Variants in WNT7B observed in about 807,000 individuals in gnomAD.
WNT7B encodes Wnt family member 7B, also known as protein Wnt-7b.
In WNT7B, 19 loss-of-function variants were observed where a neutral mutation model predicts 38.2. The observed-to-expected ratio is 0.50, with a 90% CI of 0.35 to 0.73. The LOEUF is 0.73. Among genes scored for constraint, WNT7B ranks in the 30% least tolerant of loss-of-function variants. The pLI is 0.01. For missense variants in WNT7B, 423 were observed against 507.9 expected (o/e 0.83, Z 1.61); for synonymous variants, 243 against 209.3 (o/e 1.16, Z -1.39).
chr22:45,954,558 G>A (rs1301303333), intron 1 of WNT7B: 1 of 984,576 alleles, frequency 1.0e-6, no homozygotes, highest in Non-Finnish European at 1.2e-6. Context: ...CTTATCCGGG[G>A]TATGTGGGGC....
rs1279442225 is a variant in WNT7B at position 45,951,888 on chromosome 22, A to G, written c.72-1742T>C. 4.6e-5 allele frequency among the ~76,000 whole-genome samples: 7 copies of G among 152,192 alleles called. No homozygotes were observed. Among genetic ancestry groups the G allele is most frequent in the Non-Finnish European group, 1.0e-4 (7 of 68,034 alleles). ...TGAGCCTGTTTTCAGTCTCTGGGGC[A>G]TGGACCTATGAGTTGCTGGGTCAGG... is the stretch of plus-strand genomic sequence containing the variant. On this transcript the variant is annotated intron_variant, in intron 1 of 3. Coordinates refer to ENST00000339464, the MANE Select transcript of WNT7B (RefSeq NM_058238.3). This position sits in a 1 kb window ranked among gnomAD's most constrained non-coding sequence, Gnocchi z 4.8.
Position 45,977,064 on chromosome 22 carries a change from T to TGCAGCCTGCACTAGGC in WNT7B, c.-326_-311dup, listed in dbSNP as rs1213302431. 8 of 970,784 alleles carry TGCAGCCTGCACTAGGC rather than the reference T, an allele frequency of 8.2e-6. No individual in the cohort carries two copies. The highest frequency in any genetic ancestry group is 3.5e-5 in the African/African-American group (2 of 56,688). The allele number at this position is 970,784 out of a possible 1,614,324, so 60.1% of individuals were successfully genotyped here. On this transcript the variant is annotated 5_prime_UTR_variant, in exon 1 of 4. Coordinates refer to ENST00000339464, the MANE Select transcript of WNT7B (RefSeq NM_058238.3). Reference sequence around the variant, plus strand: ...GGCCCGGGCGCGGCTGGCGGGCGGGTGCAGCCTGCACTAGGCGCAGCCGCC... The same window carrying TGCAGCCTGCACTAGGC: ...GGCCCGGGCGCGGCTGGCGGGCGGGTGCAGCCTGCACTAGGCGCAGCCTGCACTAGGCGCAGCCGCC...
At chr22:45,947,873 C>A (rs989817749) in intron 2 of WNT7B, among the ~76,000 whole-genome samples, 1 of 152,110 alleles carries the variant, frequency 6.6e-6, no homozygotes, top group African/African-American at 2.4e-5. Context: ...CGGGATGCAG[C>A]GCTCCCAGGA....
intron 1 of WNT7B, among the ~76,000 whole-genome samples, chr22:45,961,235 G>A (rs369340291): frequency 5.3e-4 from 80 of 152,364 alleles, no homozygotes; most frequent in African/African-American, 1.6e-3. Context: ...GCCCAGCTCC[G>A]TGGGGTGGAG....
chr22:45,941,347 TA>T lies in WNT7B; in HGVS notation c.298+8572del, dbSNP rs1801660474. Among the ~76,000 whole-genome samples the T allele has an allele frequency of 5.3e-5, 8 of 152,140 alleles. 1 individual carries two copies. The South Asian group carries it at 1.7e-3, about 32-fold the overall frequency. ...CAACATGGCGAAACCCCGTCTGTAC[TA>T]AAAATTACAAAAATTAGTCTGGTGT... is the stretch of plus-strand genomic sequence containing the variant. On this transcript the variant is annotated intron_variant, in intron 2 of 3. Coordinates refer to ENST00000339464, the MANE Select transcript of WNT7B (RefSeq NM_058238.3).
chr22:45,924,087 C>G (rs575278641), intron 3 of WNT7B, among the ~76,000 whole-genome samples: 1 of 152,292 alleles, frequency 6.6e-6, no homozygotes, highest in South Asian at 2.1e-4. Flanking sequence ...TTACCCGGAT[C>G]GAAAGGGCCC....
intron 1 of WNT7B, among the ~76,000 whole-genome samples, chr22:45,974,592 AGT>A: frequency 6.6e-6 from 1 of 151,850 alleles, no homozygotes; most frequent in South Asian, 2.1e-4. Context: ...GTGGGTGGGG[AGT>A]GTGTGTTTTA....
chr22:45,929,962 A>ATCTACCCACCCATGCATCCACTCATACC (rs1931281383), intron 3 of WNT7B, among the ~76,000 whole-genome samples: 1 of 149,514 alleles, frequency 6.7e-6, no homozygotes, highest in African/African-American at 2.5e-5. Flanking sequence ...CCACTCATAC[A>ATCTACCCACCCATGCATCCACTCATACC]TCTATCCATC....
At chr22:45,964,879 A>G (rs1932277775) in intron 1 of WNT7B, among the ~76,000 whole-genome samples, 1 of 152,090 alleles carries the variant, frequency 6.6e-6, no homozygotes, top group South Asian at 2.1e-4. Flanking sequence ...AGATGGTCCT[A>G]CAGACTCAGC....
rs1483194203 is a variant in WNT7B, at chr22:45,976,542, G to C, written c.71+142C>G. On this transcript the variant is annotated intron_variant, in intron 1 of 3. Transcript: ENST00000339464. This position sits in a 1 kb window ranked among gnomAD's most constrained non-coding sequence, Gnocchi z 8.5. ...GCGTCTCTGCTGGCGTGGGGCGAGG[G>C]TCTGACACACGGGCCAGCCCCGGAG... 1.2e-6 allele frequency: 1 copy of C among 863,758 alleles called. No individual in the cohort carries two copies. The highest frequency in any genetic ancestry group is 1.7e-5 in the African/African-American group (1 of 58,610). 53.5% of individuals were successfully genotyped at this position (863,758 alleles called of 1,614,324 possible). A position where few individuals can be genotyped will look rare whatever the true frequency, so the allele number is the denominator to read the frequency against.
intron 1 of WNT7B, chr22:45,972,116 G>GGGGGGGGGC: frequency 1.9e-6 from 1 of 530,740 alleles, no homozygotes; most frequent in Non-Finnish European, 3.3e-6. Flanking sequence ...CCCGGGGGGA[G>GGGGGGGGGC]CCCACCCGCC....
chr22:45,964,997 G>A (rs1407048923), intron 1 of WNT7B, among the ~76,000 whole-genome samples: 4 of 152,060 alleles, frequency 2.6e-5, no homozygotes, highest in African/African-American at 9.7e-5. Flanking sequence ...GCCCAGAAGG[G>A]TCTTTCTAAA....
chr22:45,930,491 T>C (rs1483330011), intron 3 of WNT7B, among the ~76,000 whole-genome samples: 6 of 152,186 alleles, frequency 3.9e-5, no homozygotes, highest in Non-Finnish European at 7.4e-5. Flanking sequence ...TCTGGGGCCC[T>C]CATCTCCAGT....
chr22:45,937,248 AG>A (rs1400382472), intron 2 of WNT7B, among the ~76,000 whole-genome samples: 1 of 152,186 alleles, frequency 6.6e-6, no homozygotes, highest in Admixed American at 6.5e-5. Context: ...CAAGTGACTG[AG>A]GTGAGGGCAA....
intron 3 of WNT7B, chr22:45,926,140 G>A: frequency 1.0e-6 from 1 of 985,456 alleles, no homozygotes. Context: ...ATCCTCGCTT[G>A]GCTGGATCCC....
At chr22:45,953,589 G>A (rs1255156958) in intron 1 of WNT7B, among the ~76,000 whole-genome samples, 1 of 152,194 alleles carries the variant, frequency 6.6e-6, no homozygotes, top group Non-Finnish European at 1.5e-5. Context: ...AGCGCTTGTA[G>A]ACATTTCTAC....
intron 2 of WNT7B, among the ~76,000 whole-genome samples, chr22:45,931,815 C>T (rs903401068): frequency 1.8e-4 from 27 of 152,006 alleles, no homozygotes; most frequent in South Asian, 4.1e-4. Flanking sequence ...TCCTCATGAA[C>T]GGGCATTTGC....
At chr22:45,942,482 G>A (rs1931672924) in intron 2 of WNT7B, among the ~76,000 whole-genome samples, 1 of 152,260 alleles carries the variant, frequency 6.6e-6, no homozygotes, top group African/African-American at 2.4e-5. Flanking sequence ...CACAGGCAGA[G>A]AAGCCTCCAG....
intron 3 of WNT7B, chr22:45,925,707 G>A (rs1347938820): frequency 5.1e-6 from 5 of 985,276 alleles, no homozygotes; most frequent in Non-Finnish European, 4.8e-6. Flanking sequence ...CTGGCCACAC[G>A]GCCTGCTCGG....
Sources: allele counts gnomAD v4.1 joint callset (sites outside exome capture counted in the v4.1 genomes callset), GRCh38; gene constraint gnomAD v4.1.1; non-coding constraint Gnocchi (gnomAD v3.1); transcripts MANE v1.5; gene names NCBI Gene and HGNC (gene_info 2026-07-23, HGNC 2026-07-21).